The following ADAM33 variants were observed in gnomAD, a reference collection of about 807,000 sequenced individuals.
ADAM33 encodes disintegrin and metalloproteinase domain-containing protein 33.
In ADAM33, 103 loss-of-function variants were observed where a neutral mutation model predicts 106.2. The ratio of observed to expected loss-of-function variants is 0.97; its 90% CI spans 0.83 to 1.14. The LOEUF (loss-of-function observed/expected upper bound fraction) is 1.14. Ranked by LOEUF, ADAM33 falls within the 50% of genes most tolerant of loss-of-function variation. ADAM33 has a pLI of 0.00. For missense variants in ADAM33, 1,120 were observed against 1,096.6 expected (o/e 1.02, Z -0.30); for synonymous variants, 483 against 453.0 (o/e 1.07, Z -0.84).
rs980447108 is a variant in ADAM33 at position 3,675,651 on chromosome 20, G to A, written c.255-546C>T. 1.3e-5 allele frequency among the ~76,000 whole-genome samples: 2 copies of A among 152,042 alleles called. No individual in the cohort carries two copies. The highest frequency in any genetic ancestry group is 4.8e-5 in the African/African-American group (2 of 41,362). Reference sequence around the variant, plus strand: ...GATTGATGCTCACCCCCTGCCTCCAGAGAAAACAGAATCGCCACCTGCCCA... The same window carrying A: ...GATTGATGCTCACCCCCTGCCTCCAAAGAAAACAGAATCGCCACCTGCCCA... On this transcript the variant is annotated intron_variant, in intron 3 of 21. Transcript: ENST00000356518. The surrounding 1 kb of genome is among the most constrained non-coding windows in gnomAD (Gnocchi z 4.1).
Position 3,671,155 on chromosome 20 carries a change from T to A in ADAM33, c.2093-2A>T. 1 of 1,613,090 alleles carries A rather than the reference T, an allele frequency of 6.2e-7. No homozygotes were observed. Among genetic ancestry groups the A allele is most frequent in the Non-Finnish European group, 8.5e-7 (1 of 1,179,652 alleles). On this transcript the variant is annotated splice_acceptor_variant, in intron 18 of 21. Coordinates refer to ENST00000356518, the MANE Select transcript of ADAM33 (RefSeq NM_025220.5). LOFTEE classifies it high-confidence loss of function. The stretch of plus-strand genomic sequence containing the variant: ...TGGCCAGCAGGAAGGTGTCATGGTC[T>A]GCGGGGATTGGGGGAAGGGGCGCTG...
intron 2 of ADAM33, among the ~76,000 whole-genome samples, chr20:3,679,261 G>A (rs962534554): frequency 2.9e-4 from 44 of 151,748 alleles, no homozygotes; most frequent in African/African-American, 1.0e-3. Flanking sequence ...GAGGGAGGTG[G>A]GGTGGAGAAA....
intron 3 of ADAM33, among the ~76,000 whole-genome samples, chr20:3,676,226 C>T (rs1315162811): frequency 1.3e-5 from 2 of 151,916 alleles, no homozygotes; most frequent in African/African-American, 2.4e-5. Flanking sequence ...CCTTCCCCAG[C>T]TCAAAATCTT....
At chr20:3,674,462 T>C (rs1230213603) in intron 6 of ADAM33, 42 bp downstream of exon 6, 15 of 1,609,074 alleles carry the variant, frequency 9.3e-6, no homozygotes, top group African/African-American at 2.7e-5. Context: ...TGGAGGGCTA[T>C]AGATACAGCA....
rs2087887261 is a variant in ADAM33, at chr20:3,675,538, T to G, written c.255-433A>C. On this transcript the variant is annotated intron_variant, in intron 3 of 21. Transcript: ENST00000356518. This position sits in a 1 kb window ranked among gnomAD's most constrained non-coding sequence, Gnocchi z 4.1. ...CTGCCCTCCTTTGTTGGGCATCTGGTCGACCCTCTTGCCCCCACCTGCCCT... is the reference window on the plus strand; with the variant it reads ...CTGCCCTCCTTTGTTGGGCATCTGGGCGACCCTCTTGCCCCCACCTGCCCT... 6.6e-6 allele frequency among the ~76,000 whole-genome samples: 1 copy of G among 152,018 alleles called. No individual in the cohort carries two copies. The highest frequency in any genetic ancestry group is 2.1e-4 in the South Asian group (1 of 4,822).
rs1443799153 is a variant in ADAM33, at chr20:3,671,817, C to A, written c.1707-38G>T. 3.2e-6 allele frequency: 5 copies of A among 1,551,150 alleles called. No homozygotes were observed. The African/African-American group carries it at 4.1e-5, about 13-fold the overall frequency. On this transcript the variant is annotated intron_variant, in intron 15 of 21. Transcript: ENST00000356518. ...TAGAGGGGGGTCAACAGCTGCAGTA[C>A]CCCCCTTCCCCAAACCCACTCCATA...
rs753204631 is a variant in ADAM33, at chr20:3,681,899, C to T, written c.97+9G>A. On this transcript the variant is annotated intron_variant, in intron 1 of 21. Transcript: ENST00000356518. ...TGCCCCTCAGGGCGCACCCCGCCCG[C>T]GTCCTCACCTTGAAGCACCCCGGCG... is the stretch of plus-strand genomic sequence containing the variant. The T allele has an allele frequency of 2.6e-5, 41 of 1,594,952 alleles. 3 individuals carry two copies. In the South Asian group the frequency reaches 4.4e-4, roughly 17 times the overall value.
intron 1 of ADAM33, among the ~76,000 whole-genome samples, chr20:3,681,534 C>T (rs937174830): frequency 6.6e-6 from 1 of 152,006 alleles, no homozygotes; most frequent in Non-Finnish European, 1.5e-5. Context: ...GGAGCAGGAG[C>T]GGGTCACACG....
In ADAM33 at chr20:3,673,758, C is replaced by T. The variant is rs1325837799; in HGVS notation, c.892G>A (p.Ala298Thr). ...AGAGGCACCCACGTGAGCAGCTGCG[C>T]GGAGTCGTGGGGCCGCTGCGCCCAC... Reference protein sequence around the residue: ...GLWAQRPHDSAQLLTGRAFQG... With the variant: ...GLWAQRPHDSTQLLTGRAFQG... The change falls in exon 9 of 22, where the codon GCG (alanine) becomes ACG (threonine). Residue 298 changes from alanine (A) to threonine (T), a missense_variant. Physicochemically the swap from Ala to Thr is moderately conservative, Grantham distance 58. Coordinates refer to ENST00000356518, the MANE Select transcript of ADAM33 (RefSeq NM_025220.5). 6.6e-7 allele frequency: 1 copy of T among 1,520,786 alleles called. No homozygotes were observed. Among genetic ancestry groups the T allele is most frequent in the African/African-American group, 1.4e-5 (1 of 72,220 alleles). 94.2% of individuals were successfully genotyped at this position (1,520,786 alleles called of 1,614,324 possible). A position where few individuals can be genotyped will look rare whatever the true frequency, so the allele number is the denominator to read the frequency against.
At chr20:3,676,187 G>A (rs7265488) in intron 3 of ADAM33, among the ~76,000 whole-genome samples, 1 of 151,684 alleles carries the variant, frequency 6.6e-6, no homozygotes, top group African/African-American at 2.4e-5. Context: ...CCAGCCCAAG[G>A]CACCTTCCTG....
At chr20:3,681,151 G>T (rs1466096160) in intron 1 of ADAM33, among the ~76,000 whole-genome samples, 1 of 152,136 alleles carries the variant, frequency 6.6e-6, no homozygotes, top group East Asian at 1.9e-4. Flanking sequence ...CTCCCTGGTT[G>T]CCCTCCCTGT....
In ADAM33 at chr20:3,668,600, C is replaced by T. The variant is rs1015941626; in HGVS notation, c.*363G>A. On this transcript the variant is annotated 3_prime_UTR_variant, in exon 22 of 22. Coordinates refer to ENST00000356518, the MANE Select transcript of ADAM33 (RefSeq NM_025220.5). Reference sequence around the variant, plus strand: ...GTCATGCCCTCCACAGAGCTGGGTCCGTGGAAATTGCATGTAGGAGACACA... The same window carrying T: ...GTCATGCCCTCCACAGAGCTGGGTCTGTGGAAATTGCATGTAGGAGACACA... The T allele has an allele frequency of 5.0e-5, 16 of 323,086 alleles. No homozygotes were observed. Among genetic ancestry groups the T allele is most frequent in the Non-Finnish European group, 8.8e-5 (15 of 169,722 alleles). 20.0% of individuals were successfully genotyped at this position (323,086 alleles called of 1,614,324 possible).
At chr20:3,670,972 G>T in intron 19 of ADAM33, 34 bp downstream of exon 19, 1 of 1,524,450 alleles carries the variant, frequency 6.6e-7, no homozygotes, top group Non-Finnish European at 8.8e-7. Context: ...GGAACCGCAG[G>T]AGTAGGCTCA....
In ADAM33 at chr20:3,671,107, A is replaced by C. The variant is rs759024817; in HGVS notation, c.2139T>G (p.Pro713=). 6.2e-7 allele frequency: 1 copy of C among 1,602,886 alleles called. No individual in the cohort carries two copies. Among genetic ancestry groups the C allele is most frequent in the Non-Finnish European group, 8.5e-7 (1 of 1,174,932 alleles). Residue 713 remains proline, a synonymous_variant, in exon 19 of 22, where the codon CCT becomes CCG. Transcript: ENST00000356518. ...LLAMLLSVLL[P]LLPGAGLAWC... ...AGGCCAGGCCGGCCCCTGGGAGCAG[A>C]GGCAGCAGGACGCTGAGGAGCATGG...
chr20:3,670,314 C>T (rs971053700), intron 19 of ADAM33: 5 of 162,360 alleles, frequency 3.1e-5, no homozygotes, highest in Non-Finnish European at 5.4e-5. Flanking sequence ...CCAAATCATG[C>T]CATCTCCCTT....
chr20:3,672,053 C>T lies in ADAM33; in HGVS notation c.1598-68G>A. The T allele has an allele frequency of 3.2e-6, 5 of 1,564,250 alleles. No homozygotes were observed. The South Asian group carries it at 5.8e-5, about 18-fold the overall frequency. On this transcript the variant is annotated intron_variant, in intron 14 of 21. Coordinates refer to ENST00000356518, the MANE Select transcript of ADAM33 (RefSeq NM_025220.5). ...CTGCGCTCAGCGGGCCTCAGTTTCCCCTGCCCATCTTCCCCACAGTAGAAA... is the reference window on the plus strand; with the variant it reads ...CTGCGCTCAGCGGGCCTCAGTTTCCTCTGCCCATCTTCCCCACAGTAGAAA...
In ADAM33 at chr20:3,671,970, G is replaced by C; in HGVS notation, c.1613C>G (p.Pro538Arg). The C allele has an allele frequency of 6.4e-7, 1 of 1,555,530 alleles. No homozygotes were observed. The highest frequency in any genetic ancestry group is 8.7e-7 in the Non-Finnish European group (1 of 1,149,354). The change falls in exon 15 of 22, where the codon CCC (proline) becomes CGC (arginine). Residue 538 changes from proline (P) to arginine (R), a missense_variant. Physicochemically the swap from Pro to Arg is moderately radical, Grantham distance 103. Coordinates refer to ENST00000356518, the MANE Select transcript of ADAM33 (RefSeq NM_025220.5). ...GTTCACCACCTGGAAACAGGCCTCGGGAGCTGGGTGGGAGCCTGAGGAAGC... is the reference window on the plus strand; with the variant it reads ...GTTCACCACCTGGAAACAGGCCTCGCGAGCTGGGTGGGAGCCTGAGGAAGC... ...QLWGPGSHPA[P>R]EACFQVVNSA...
chr20:3,676,337 AGAT>A (rs1385006194), intron 3 of ADAM33, among the ~76,000 whole-genome samples: 5 of 151,856 alleles, frequency 3.3e-5, no homozygotes, highest in Non-Finnish European at 5.9e-5. Flanking sequence ...CCCTCCCTGT[AGAT>A]GGAGACCTTC....
chr20:3,677,221 C>G, intron 2 of ADAM33, 78 bp from the exon 3 acceptor site: 6 of 1,309,654 alleles, frequency 4.6e-6, no homozygotes, highest in Non-Finnish European at 6.1e-6. Flanking sequence ...GCCTGTGGAG[C>G]CGGCTGGGGA....
Sources: gnomAD v4.1 joint callset for allele counts (sites outside exome capture counted in the v4.1 genomes callset) on GRCh38, gnomAD v4.1.1 for gene constraint, Gnocchi (gnomAD v3.1) non-coding constraint, MANE v1.5 for transcripts, NCBI Gene and HGNC (gene_info 2026-07-23, HGNC 2026-07-21) for gene names.